Variants in SSBP3 observed in about 807,000 individuals in gnomAD.
SSBP3 encodes single-stranded DNA-binding protein 3.
A neutral mutation model predicts 69.6 loss-of-function variants in SSBP3; 5 were observed. The ratio of observed to expected loss-of-function variants is 0.07; its 90% CI spans 0.04 to 0.15. The LOEUF (loss-of-function observed/expected upper bound fraction) is 0.15. SSBP3 is among the 10% of genes least tolerant of loss of function. SSBP3 has a pLI of 1.00. For synonymous variants in SSBP3, 196 were observed against 193.4 expected, an observed-to-expected ratio of 1.01 and a Z score of -0.11; for missense variants, 312 against 534.0, an observed-to-expected ratio of 0.58 and a Z score of 4.10.
intron 4 of SSBP3, among the ~76,000 whole-genome samples, chr1:54,384,804 C>A (rs935168255): frequency 6.6e-6 from 1 of 152,184 alleles, no homozygotes; most frequent in Non-Finnish European, 1.5e-5. Flanking sequence ...TCCGTTAAGT[C>A]CCTCTAAATT....
At chr1:54,373,261 GA>G (rs1190880209) in intron 4 of SSBP3, among the ~76,000 whole-genome samples, 2 of 152,206 alleles carry the variant, frequency 1.3e-5, no homozygotes, top group Non-Finnish European at 2.9e-5. Context: ...CGGCTGAAGG[GA>G]AATTTTCAAC....
intron 4 of SSBP3, among the ~76,000 whole-genome samples, chr1:54,360,592 A>C (rs1045160206): frequency 6.6e-6 from 1 of 152,170 alleles, no homozygotes; most frequent in South Asian, 2.1e-4. Context: ...GGTCCCCCCA[A>C]GTGTTTCCAC....
intron 4 of SSBP3, among the ~76,000 whole-genome samples, chr1:54,332,886 T>G (rs1369063840): frequency 1.3e-5 from 2 of 152,160 alleles, no homozygotes; most frequent in Non-Finnish European, 2.9e-5. Flanking sequence ...CTGCTGGCAC[T>G]CGGGTCAGGA....
intron 5 of SSBP3, among the ~76,000 whole-genome samples, chr1:54,277,394 T>C (rs1165365071): frequency 6.6e-6 from 1 of 152,192 alleles, no homozygotes; most frequent in African/African-American, 2.4e-5. Flanking sequence ...CCTCCTTTTA[T>C]CTAATTCTCT....
intron 14 of SSBP3, among the ~76,000 whole-genome samples, chr1:54,229,610 G>A (rs1644347438): frequency 6.6e-6 from 1 of 152,168 alleles, no homozygotes; most frequent in African/African-American, 2.4e-5. Context: ...AAGCCTATCT[G>A]GAACTATCAA....
chr1:54,238,316 C>A (rs1644536712), intron 14 of SSBP3: 1 of 470,998 alleles, frequency 2.1e-6, no homozygotes, highest in Non-Finnish European at 4.4e-6. Flanking sequence ...CACTTTAGGG[C>A]CCCAGGCCCA....
chr1:54,405,753 C>T (rs1032786232), intron 1 of SSBP3, among the ~76,000 whole-genome samples, 200 bp downstream of exon 1: 7 of 150,416 alleles, frequency 4.7e-5, no homozygotes, highest in Admixed American at 4.6e-4. Flanking sequence ...GATCCCCCAA[C>T]CTCCGCCGGC....
intron 4 of SSBP3, among the ~76,000 whole-genome samples, chr1:54,341,766 C>A (rs1210771283): frequency 6.6e-6 from 1 of 150,896 alleles, no homozygotes; most frequent in East Asian, 1.9e-4. Context: ...GGAGGCCTGA[C>A]CCAGCCAGCG....
intron 4 of SSBP3, among the ~76,000 whole-genome samples, chr1:54,379,499 G>A (rs1253438157): frequency 2.0e-5 from 3 of 152,218 alleles, no homozygotes; most frequent in Non-Finnish European, 4.4e-5. Flanking sequence ...TCTTCACTGA[G>A]ACGCTTGATT....
intron 5 of SSBP3, among the ~76,000 whole-genome samples, chr1:54,276,573 C>T (rs1262294483): frequency 2.2e-5 from 3 of 133,660 alleles, no homozygotes; most frequent in African/African-American, 5.8e-5. Context: ...ATCGCCACTG[C>T]CCTCCAGCCT....
intron 4 of SSBP3, among the ~76,000 whole-genome samples, chr1:54,349,384 C>T (rs532961564): frequency 3.0e-4 from 46 of 152,288 alleles, no homozygotes; most frequent in African/African-American, 9.6e-4. Flanking sequence ...AAACAACTGC[C>T]GGGCATCCAA....
rs192315219 is a variant in SSBP3 at position 54,359,010 on chromosome 1, G to C, written c.276+42851C>G. Among the ~76,000 whole-genome samples, 1,301 of 152,042 alleles carry C rather than the reference G, an allele frequency of 8.6e-3. 12 individuals are homozygous for C. The highest frequency in any genetic ancestry group is 0.031 in the Middle Eastern group (9 of 294). On this transcript the variant is annotated intron_variant, in intron 4 of 17. Coordinates refer to ENST00000610401, the Ensembl canonical transcript of SSBP3. ...TCTGCCAACTCCAGGCGCTTCAAAG[G>C]GGCCAGGCCAAAAAGTGGGGGTTGG...
chr1:54,353,569 G>A (rs1219327408), intron 4 of SSBP3, among the ~76,000 whole-genome samples: 7 of 152,218 alleles, frequency 4.6e-5, no homozygotes, highest in Admixed American at 3.9e-4. Flanking sequence ...GTGTTTTCAA[G>A]TATCCAGGTG....
chr1:54,282,447 TG>T (rs1199918811), intron 4 of SSBP3, among the ~76,000 whole-genome samples: 1 of 152,116 alleles, frequency 6.6e-6, no homozygotes, highest in Non-Finnish European at 1.5e-5. Flanking sequence ...CCTCGCGAAG[TG>T]GGGGGACCGT....
chr1:54,320,187 G>T (rs181591375), intron 4 of SSBP3, among the ~76,000 whole-genome samples: 57 of 152,290 alleles, frequency 3.7e-4, no homozygotes, highest in Non-Finnish European at 6.3e-4. Context: ...GAACAAAAGT[G>T]AAAGGGAAGC....
At chr1:54,345,913 G>A (rs552248951) in intron 4 of SSBP3, among the ~76,000 whole-genome samples, 2 of 151,872 alleles carry the variant, frequency 1.3e-5, no homozygotes, top group South Asian at 2.1e-4. Context: ...AGGCCGACGC[G>A]GGTGGATCAC....
chr1:54,343,942 A>C (rs1646649600), intron 4 of SSBP3, among the ~76,000 whole-genome samples: 1 of 152,230 alleles, frequency 6.6e-6, no homozygotes, highest in Non-Finnish European at 1.5e-5. Flanking sequence ...GAGGACATGC[A>C]ACTCAAGAAA....
chr1:54,361,925 A>G (rs2100637199), intron 4 of SSBP3, among the ~76,000 whole-genome samples: 1 of 152,244 alleles, frequency 6.6e-6, no homozygotes, highest in Non-Finnish European at 1.5e-5. Flanking sequence ...TCCCTTCCTC[A>G]CTGAAAGAGG....
intron 4 of SSBP3, among the ~76,000 whole-genome samples, chr1:54,398,097 C>CT (rs1180257750): frequency 1.3e-5 from 2 of 152,188 alleles, no homozygotes; most frequent in Admixed American, 6.5e-5. Context: ...AGAGGCAGAA[C>CT]TAGAAAGATA....
Sources: gnomAD v4.1 joint callset for allele counts (sites outside exome capture counted in the v4.1 genomes callset) on GRCh38, gnomAD v4.1.1 for gene constraint, MANE v1.5 for transcripts, NCBI Gene and HGNC (gene_info 2026-07-23, HGNC 2026-07-21) for gene names.